The following CREM variants were observed in gnomAD, a reference collection of about 807,000 sequenced individuals.
CREM encodes cAMP responsive element modulator.
Under a neutral mutation model 37.3 loss-of-function variants are expected in CREM, and 13 were observed. The ratio of observed to expected loss-of-function variants is 0.35; its 90% CI spans 0.23 to 0.55. CREM has a LOEUF of 0.55. CREM is among the 20% of genes least tolerant of loss of function. CREM has a pLI of 0.88. For synonymous variants in CREM, 124 were observed against 120.2 expected, an observed-to-expected ratio of 1.03 and a Z score of -0.21; for missense variants, 296 against 362.3, an observed-to-expected ratio of 0.82 and a Z score of 1.49.
intron 2 of CREM, among the ~76,000 whole-genome samples, chr10:35,139,347 T>C (rs1240408586): frequency 6.6e-6 from 1 of 152,182 alleles, no homozygotes; most frequent in Admixed American, 6.5e-5. Context: ...CTCAAACTCC[T>C]GACCTCAGGT....
chr10:35,163,059 A>G (rs1023900276), intron 3 of CREM, among the ~76,000 whole-genome samples: 1 of 150,788 alleles, frequency 6.6e-6, no homozygotes, highest in African/African-American at 2.4e-5. Flanking sequence ...AAAAAAAATT[A>G]GCCAGGCATG....
chr10:35,139,511 G>A (rs948905888), intron 2 of CREM, among the ~76,000 whole-genome samples: 6 of 151,930 alleles, frequency 3.9e-5, no homozygotes, highest in African/African-American at 1.5e-4. Context: ...GTGCTTAGTG[G>A]ACTTGTTTGT....
chr10:35,175,936 C>T (rs1375621334), intron 3 of CREM: 1 of 1,551,450 alleles, frequency 6.4e-7, no homozygotes, highest in East Asian at 2.4e-5. Flanking sequence ...CTATACATGT[C>T]CAGGGAGTAA....
intron 6 of CREM, among the ~76,000 whole-genome samples, chr10:35,188,740 A>G (rs1273745231): frequency 2.0e-5 from 3 of 151,352 alleles, no homozygotes; most frequent in African/African-American, 4.9e-5. Context: ...GCTCACTGCA[A>G]CCTGTCTCCT....
intron 5 of CREM, among the ~76,000 whole-genome samples, chr10:35,180,805 G>A (rs1050039586): frequency 6.6e-6 from 1 of 152,150 alleles, no homozygotes; most frequent in Non-Finnish European, 1.5e-5. Flanking sequence ...TGAGTGCCTC[G>A]TCCCCCCGTC....
chr10:35,139,460 A>G (rs939319970), intron 2 of CREM, among the ~76,000 whole-genome samples: 4 of 152,144 alleles, frequency 2.6e-5, no homozygotes, highest in African/African-American at 7.2e-5. Flanking sequence ...AGAATTGTGG[A>G]ACCAAATATT....
At chr10:35,209,903 A>C (rs1443287549) in intron 7 of CREM, among the ~76,000 whole-genome samples, 1 of 152,164 alleles carries the variant, frequency 6.6e-6, no homozygotes, top group African/African-American at 2.4e-5. Flanking sequence ...CCAGCTGAGA[A>C]GTCTGAGAAC....
intron 6 of CREM, among the ~76,000 whole-genome samples, chr10:35,193,994 A>T (rs1490527664): frequency 6.7e-6 from 1 of 149,702 alleles, no homozygotes; most frequent in Admixed American, 6.7e-5. Flanking sequence ...CTACTTGGGA[A>T]GCTGAGGCAG....
intron 1 of CREM, among the ~76,000 whole-genome samples, chr10:35,134,285 T>C (rs1230933033): frequency 3.9e-5 from 6 of 152,188 alleles, no homozygotes; most frequent in African/African-American, 1.4e-4. Context: ...GGCGCGATCT[T>C]GGCTCACTGC....
At chr10:35,206,452 A>G (rs1195762903) in intron 6 of CREM, among the ~76,000 whole-genome samples, 2 of 152,122 alleles carry the variant, frequency 1.3e-5, no homozygotes, top group African/African-American at 2.4e-5. Context: ...GTGTCTTTCC[A>G]ACTCTACGCT....
chr10:35,167,614 A>G, intron 3 of CREM: 1 of 983,170 alleles, frequency 1.0e-6, no homozygotes, highest in Non-Finnish European at 1.6e-6. Context: ...TCCCAGTTAT[A>G]AGTGTCACTA....
chr10:35,187,899 C>G (rs879601663), intron 5 of CREM, among the ~76,000 whole-genome samples: 1 of 152,214 alleles, frequency 6.6e-6, no homozygotes, highest in Admixed American at 6.5e-5. Flanking sequence ...CTCCCTGTCT[C>G]CTTCTCCACT....
At chr10:35,197,851 G>A (rs1034670499) in intron 6 of CREM, among the ~76,000 whole-genome samples, 2 of 152,230 alleles carry the variant, frequency 1.3e-5, no homozygotes, top group Non-Finnish European at 2.9e-5. Flanking sequence ...AGACCTCTGG[G>A]CTCTCAGTTC....
chr10:35,163,542 A>G (rs1396299559), intron 3 of CREM, among the ~76,000 whole-genome samples: 4 of 152,084 alleles, frequency 2.6e-5, no homozygotes, highest in Non-Finnish European at 5.9e-5. Context: ...AACTTAGGCC[A>G]GGTGCAGTGG....
chr10:35,147,076 A>T, intron 2 of CREM, among the ~76,000 whole-genome samples: 1 of 115,806 alleles, frequency 8.6e-6, no homozygotes. Flanking sequence ...TTTAAGACGG[A>T]GTCTCGCTCT....
At chr10:35,192,473 C>T (rs2094957935) in intron 6 of CREM, among the ~76,000 whole-genome samples, 1 of 152,116 alleles carries the variant, frequency 6.6e-6, no homozygotes, top group East Asian at 1.9e-4. Context: ...CTCAGCTTCC[C>T]GAGTAGCTGG....
intron 5 of CREM, among the ~76,000 whole-genome samples, chr10:35,185,463 A>C (rs2094519138): frequency 6.6e-6 from 1 of 152,154 alleles, no homozygotes; most frequent in South Asian, 2.1e-4. Context: ...TTTCTAAAGC[A>C]CTATTTCTGT....
chr10:35,158,799 T>TG lies in CREM; in HGVS notation c.168+10308_168+10309insG, dbSNP rs1250118284. ...TTTTTGGAGAGTAGCAAATATAGTG[T>TG]TTTTTTTTTGTTGTTTTGTTTGTTT... On this transcript the variant is annotated intron_variant, in intron 3 of 7. Coordinates refer to ENST00000685392, the MANE Select transcript of CREM (RefSeq NM_183011.2). Among the ~76,000 whole-genome samples, 105 of 125,018 alleles carry TG rather than the reference T, an allele frequency of 8.4e-4. 1 individual carries two copies. The highest frequency in any genetic ancestry group is 2.8e-3 in the African/African-American group (100 of 36,052). 82.0% of individuals were successfully genotyped at this position (125,018 alleles called of 152,430 possible).
At chr10:35,138,417 T>G (rs2090923464) in intron 2 of CREM, among the ~76,000 whole-genome samples, 2 of 152,234 alleles carry the variant, frequency 1.3e-5, no homozygotes, top group African/African-American at 4.8e-5. Flanking sequence ...TAACTTCCTT[T>G]TCCAATTGGA....
Sources: allele counts gnomAD v4.1 joint callset (sites outside exome capture counted in the v4.1 genomes callset), GRCh38; gene constraint gnomAD v4.1.1; transcripts MANE v1.5; gene names NCBI Gene and HGNC (gene_info 2026-07-23, HGNC 2026-07-21).